GANC: variants seen among roughly 807,000 people sequenced by gnomAD.
The protein encoded by GANC is neutral alpha-glucosidase C.
A neutral mutation model predicts 124.2 loss-of-function variants in GANC; 117 were observed. The observed-to-expected ratio is 0.94, with a 90% CI of 0.81 to 1.10. GANC has a LOEUF of 1.10. GANC is among the 50% of genes least tolerant of loss of function. GANC has a pLI of 0.00. For missense variants in GANC, 1,140 were observed against 1,095.0 expected, an observed-to-expected ratio of 1.04 and a Z score of -0.58; for synonymous variants, 377 against 376.8, an observed-to-expected ratio of 1.00 and a Z score of -0.01.
chr15:42,321,002 C>A (rs554900262), intron 10 of GANC, among the ~76,000 whole-genome samples: 7 of 152,044 alleles, frequency 4.6e-5, no homozygotes, highest in Non-Finnish European at 7.4e-5. Flanking sequence ...TTCCTTTTTT[C>A]TTCTCTTTAC....
chr15:42,322,225 A>G (rs1286991046), intron 11 of GANC, among the ~76,000 whole-genome samples: 1 of 152,200 alleles, frequency 6.6e-6, no homozygotes, highest in Admixed American at 6.5e-5. Flanking sequence ...TTAGTTATCT[A>G]GGTCACCATA....
intron 8 of GANC, among the ~76,000 whole-genome samples, chr15:42,309,109 T>C (rs963165624): frequency 9.8e-5 from 15 of 152,308 alleles, no homozygotes; most frequent in African/African-American, 3.4e-4. Flanking sequence ...GACAAATAGA[T>C]GCCCGAGGCA....
chr15:42,339,892 G>T lies in GANC; in HGVS notation c.2067G>T (p.Val689=). The change falls in exon 17 of 24, where the codon GTG becomes GTT. Residue 689 remains valine, a synonymous_variant. Transcript: ENST00000318010. ...ATTCTCTGTTCTACCATGCACACGT[G>T]GCTTCCCAACCTGTCATGAGGTAAA... is the stretch of plus-strand genomic sequence containing the variant. ...YWYSLFYHAH[V]ASQPVMRPLW... is the part of the protein sequence containing the mutation. The T allele has an allele frequency of 6.2e-7, 1 of 1,613,862 alleles. No homozygotes were observed. Among genetic ancestry groups the T allele is most frequent in the Non-Finnish European group, 8.5e-7 (1 of 1,179,838 alleles).
At chr15:42,328,604 G>A (rs1269870057) in intron 13 of GANC, among the ~76,000 whole-genome samples, 1 of 152,026 alleles carries the variant, frequency 6.6e-6, no homozygotes, top group African/African-American at 2.4e-5. Flanking sequence ...GGTAAGCTAG[G>A]TAGGCTCTGC....
At position 42,322,945 on chromosome 15, in the gene GANC, T is replaced by C. The variant is rs1323250551; in HGVS notation, c.1293+925T>C. Among the ~76,000 whole-genome samples the C allele has an allele frequency of 7.2e-5, 11 of 152,170 alleles. No individual in the cohort carries two copies. In the South Asian group the frequency reaches 2.3e-3, roughly 32 times the overall value. On this transcript the variant is annotated intron_variant, in intron 11 of 23. Transcript: ENST00000318010. ...TCTCCTTGAAAGTAAGGTTGACTTT[T>C]CAACCCATTCCTTTGACCTCCCCAC...
intron 22 of GANC, among the ~76,000 whole-genome samples, chr15:42,350,551 C>CTT (rs1265729419): frequency 0.042 from 5,118 of 123,292 alleles, 190 homozygotes; most frequent in African/African-American, 0.056. Context: ...ACAGAGTTGT[C>CTT]TTTTTTTTTT....
chr15:42,332,650 A>G (rs1046500501), intron 15 of GANC, among the ~76,000 whole-genome samples: 26 of 152,156 alleles, frequency 1.7e-4, no homozygotes, highest in African/African-American at 6.3e-4. Flanking sequence ...TCATTATGTA[A>G]ATACGTACAT....
intron 11 of GANC, among the ~76,000 whole-genome samples, chr15:42,322,942 T>C (rs2052172983): frequency 6.6e-6 from 1 of 152,164 alleles, no homozygotes; most frequent in Non-Finnish European, 1.5e-5. Context: ...TAAGGTTGAC[T>C]TTTCAACCCA....
At chr15:42,330,770 C>CTTTTTTTTTTTTT (rs71108160) in intron 15 of GANC, 98 bp downstream of exon 15, 15 of 361,072 alleles carry the variant, frequency 4.2e-5, no homozygotes, top group Middle Eastern at 7.8e-4. Flanking sequence ...CTTCCTTTTC[C>CTTTTTTTTTTTTT]TTTTTTTTTT....
intron 11 of GANC, among the ~76,000 whole-genome samples, chr15:42,324,364 AC>A (rs2052183152): frequency 6.6e-6 from 1 of 152,202 alleles, no homozygotes; most frequent in African/African-American, 2.4e-5. Context: ...GTTATGGAAA[AC>A]AATATGATAG....
At chr15:42,333,811 C>G (rs968521876) in intron 15 of GANC, among the ~76,000 whole-genome samples, 36 of 152,158 alleles carry the variant, frequency 2.4e-4, no homozygotes, top group African/African-American at 8.4e-4. Context: ...GTTATTATGT[C>G]TCCCCTTTAA....
intron 4 of GANC, among the ~76,000 whole-genome samples, chr15:42,290,704 A>G (rs923493357): frequency 3.3e-5 from 5 of 152,144 alleles, no homozygotes; most frequent in African/African-American, 9.7e-5. Flanking sequence ...GCTACTCAGG[A>G]GGCTGTGGTG....
chr15:42,341,084 C>T (rs116690442), intron 18 of GANC, among the ~76,000 whole-genome samples: 2,488 of 129,776 alleles, frequency 0.019, 96 homozygotes, highest in African/African-American at 0.072. Flanking sequence ...TGATTAATTA[C>T]AGTCATTATA....
At chr15:42,337,802 C>T (rs577088516) in intron 15 of GANC, among the ~76,000 whole-genome samples, 1 of 152,294 alleles carries the variant, frequency 6.6e-6, no homozygotes, top group East Asian at 1.9e-4. Flanking sequence ...TGGCTCACGC[C>T]TATAATTTCA....
At chr15:42,333,889 GA>G (rs1282822271) in intron 15 of GANC, among the ~76,000 whole-genome samples, 1 of 152,116 alleles carries the variant, frequency 6.6e-6, no homozygotes, top group Non-Finnish European at 1.5e-5. Context: ...GAGGTGGGAG[GA>G]AATAGGTACA....
At chr15:42,324,710 C>T (rs756372429) in intron 11 of GANC, among the ~76,000 whole-genome samples, 13 of 152,054 alleles carry the variant, frequency 8.5e-5, no homozygotes, top group Non-Finnish European at 1.5e-4. Context: ...AGACAAATAC[C>T]GTGTGATTCC....
chr15:42,329,756 A>G (rs1193866616), intron 14 of GANC, among the ~76,000 whole-genome samples: 2 of 152,206 alleles, frequency 1.3e-5, no homozygotes, highest in Non-Finnish European at 2.9e-5. Flanking sequence ...TCAAACTTTT[A>G]TTGATGCAAG....
intron 17 of GANC, among the ~76,000 whole-genome samples, chr15:42,340,473 G>A (rs995350232): frequency 6.6e-6 from 1 of 151,910 alleles, no homozygotes; most frequent in African/African-American, 2.4e-5. Flanking sequence ...GCGTGGTGGT[G>A]TGTGCCTGTA....
chr15:42,304,217 C>T (rs1351963670), intron 6 of GANC, among the ~76,000 whole-genome samples: 4 of 152,186 alleles, frequency 2.6e-5, no homozygotes, highest in Non-Finnish European at 5.9e-5. Context: ...CAAAACTGCA[C>T]AACTACATGG....
Sources: allele counts gnomAD v4.1 joint callset (sites outside exome capture counted in the v4.1 genomes callset), GRCh38; gene constraint gnomAD v4.1.1; transcripts MANE v1.5; gene names NCBI Gene and HGNC (gene_info 2026-07-23, HGNC 2026-07-21).